CDK14: variants seen among roughly 807,000 people sequenced by gnomAD.
CDK14 encodes the protein cyclin dependent kinase 14, also known as cyclin-dependent kinase 14.
In CDK14, 34 loss-of-function variants were observed where a neutral mutation model predicts 60.7. The ratio of observed to expected loss-of-function variants is 0.56; its 90% CI spans 0.43 to 0.75. CDK14 has a LOEUF of 0.75. Among genes scored for constraint, CDK14 ranks in the 30% least tolerant of loss-of-function variants. CDK14 has a pLI of 0.00. For missense variants in CDK14, 482 were observed against 564.1 expected, an observed-to-expected ratio of 0.85 and a Z score of 1.47; for synonymous variants, 197 against 203.7, an observed-to-expected ratio of 0.97 and a Z score of 0.28.
At chr7:90,759,499 G>A (rs1301145907) in intron 4 of CDK14, among the ~76,000 whole-genome samples, 2 of 152,178 alleles carry the variant, frequency 1.3e-5, no homozygotes, top group Admixed American at 1.3e-4. Context: ...TTATGCAAGG[G>A]CACCCATGAA....
chr7:90,768,122 A>G (rs796736091), intron 4 of CDK14, among the ~76,000 whole-genome samples: 1 of 152,318 alleles, frequency 6.6e-6, no homozygotes, highest in African/African-American at 2.4e-5. Context: ...CTTACCATTG[A>G]CCCTCTGTTA....
At chr7:91,054,088 ATTT>A (rs10675646) in intron 11 of CDK14, among the ~76,000 whole-genome samples, 1 of 112,970 alleles carries the variant, frequency 8.9e-6, no homozygotes, top group Admixed American at 1.0e-4. Flanking sequence ...CTGCAAAATA[ATTT>A]TTTTTTTTTT....
At chr7:91,099,457 AT>A (rs757520085) in intron 12 of CDK14, among the ~76,000 whole-genome samples, 2 of 152,196 alleles carry the variant, frequency 1.3e-5, no homozygotes, top group Non-Finnish European at 2.9e-5. Flanking sequence ...ATTCAGGAAA[AT>A]TGGGTAATCT....
chr7:91,058,918 T>G (rs550118077), intron 11 of CDK14, among the ~76,000 whole-genome samples: 3 of 152,340 alleles, frequency 2.0e-5, no homozygotes, highest in East Asian at 1.9e-4. Context: ...GCTGGCCTCA[T>G]AAAATGAGTT....
At position 90,649,256 on chromosome 7, in the gene CDK14, C is replaced by CTTTGTTTCTTTGTTTCTTTG. The variant is rs1303940369; in HGVS notation, c.123+45010_123+45011insGTTTCTTTGTTTCTTTGTTT. 4.3e-3 allele frequency among the ~76,000 whole-genome samples: 204 copies of CTTTGTTTCTTTGTTTCTTTG among 47,314 alleles called. 7 individuals carry two copies. Among genetic ancestry groups the CTTTGTTTCTTTGTTTCTTTG allele is most frequent in the East Asian group, 0.025 (36 of 1,414 alleles). The allele number at this position is 47,314 out of a possible 152,430, so 31.0% of individuals were successfully genotyped here. On this transcript the variant is annotated intron_variant, in intron 2 of 14. Transcript: ENST00000380050. ...CTATAGTTTCTTTCTTTCTTTCTTT[C>CTTTGTTTCTTTGTTTCTTTG]TTTCTTTCTTTCTTTCTTTCTTTCT...
chr7:90,779,175 C>T (rs34751163), intron 4 of CDK14, among the ~76,000 whole-genome samples: 31,048 of 151,804 alleles, frequency 0.2, 3,276 homozygotes, highest in South Asian at 0.24. Flanking sequence ...ATTGCTTGAA[C>T]CCAGGAGGCA....
chr7:91,139,896 C>T (rs1051384751), intron 14 of CDK14, among the ~76,000 whole-genome samples: 4 of 145,204 alleles, frequency 2.8e-5, no homozygotes, highest in African/African-American at 7.7e-5. Flanking sequence ...CATTTTTTTC[C>T]GTTCATTTCT....
intron 5 of CDK14, among the ~76,000 whole-genome samples, chr7:90,857,438 G>A (rs1790861878): frequency 1.3e-5 from 2 of 152,082 alleles, no homozygotes; most frequent in African/African-American, 4.8e-5. Flanking sequence ...TGACACCACA[G>A]CCCCTAAACT....
At chr7:90,837,396 TCCTGCCTCAGCCTC>T (rs1208190239) in intron 5 of CDK14, among the ~76,000 whole-genome samples, 1 of 151,918 alleles carries the variant, frequency 6.6e-6, no homozygotes, top group African/African-American at 2.4e-5. Context: ...CAAGCAGTTA[TCCTGCCTCAGCCTC>T]CCGAGTAGCT....
intron 3 of CDK14, among the ~76,000 whole-genome samples, chr7:90,727,973 T>TG (rs1181171065): frequency 6.6e-6 from 1 of 152,146 alleles, no homozygotes; most frequent in Non-Finnish European, 1.5e-5. Flanking sequence ...GAAAGGGTGA[T>TG]GGGGGGTTTG....
chr7:91,021,670 C>T (rs2115876597), intron 10 of CDK14, among the ~76,000 whole-genome samples: 1 of 152,226 alleles, frequency 6.6e-6, no homozygotes, highest in East Asian at 1.9e-4. Context: ...TTTATTTTGC[C>T]ATCAGTGGAC....
intron 11 of CDK14, among the ~76,000 whole-genome samples, chr7:91,078,316 A>G (rs559545345): frequency 3.2e-4 from 49 of 152,318 alleles, no homozygotes; most frequent in African/African-American, 1.1e-3. Flanking sequence ...TTTTAAAACA[A>G]TTGTTACAGG....
intron 14 of CDK14, among the ~76,000 whole-genome samples, chr7:91,203,468 G>C (rs569285665): frequency 6.6e-6 from 1 of 152,204 alleles, no homozygotes; most frequent in Non-Finnish European, 1.5e-5. Flanking sequence ...TCCTTCACAG[G>C]AAGTGTCTTC....
intron 10 of CDK14, among the ~76,000 whole-genome samples, chr7:90,997,592 A>G (rs1257409518): frequency 6.6e-6 from 1 of 152,234 alleles, no homozygotes; most frequent in Non-Finnish European, 1.5e-5. Flanking sequence ...GCTCAAGAGA[A>G]CAAATTACTA....
At chr7:90,837,551 A>G (rs1790149388) in intron 5 of CDK14, among the ~76,000 whole-genome samples, 1 of 152,282 alleles carries the variant, frequency 6.6e-6, no homozygotes, top group East Asian at 1.9e-4. Context: ...GATTACACAG[A>G]AAGAGATGGG....
intron 10 of CDK14, among the ~76,000 whole-genome samples, chr7:91,021,686 A>G (rs949828456): frequency 8.5e-5 from 13 of 152,228 alleles, no homozygotes; most frequent in African/African-American, 3.1e-4. Flanking sequence ...TGGACCCTCC[A>G]TAAGTTCTTC....
chr7:90,747,840 C>A, intron 4 of CDK14, 65 bp downstream of exon 4: 2 of 633,106 alleles, frequency 3.2e-6, no homozygotes, highest in Non-Finnish European at 5.0e-6. Context: ...TACTAAATAG[C>A]ATTTTATTTA....
At chr7:91,180,296 T>C (rs562677068) in intron 14 of CDK14, among the ~76,000 whole-genome samples, 1 of 152,350 alleles carries the variant, frequency 6.6e-6, no homozygotes, top group African/African-American at 2.4e-5. Context: ...TTACCCTTCC[T>C]AGTTTTGGAG....
intron 7 of CDK14, among the ~76,000 whole-genome samples, chr7:90,901,121 A>G (rs1019575625): frequency 2.6e-5 from 4 of 152,088 alleles, no homozygotes; most frequent in Admixed American, 1.3e-4. Context: ...CTCTTATTCA[A>G]GCTTTGTGTG....
Sources: allele counts gnomAD v4.1 joint callset (sites outside exome capture counted in the v4.1 genomes callset), GRCh38; gene constraint gnomAD v4.1.1; transcripts MANE v1.5; gene names NCBI Gene and HGNC (gene_info 2026-07-23, HGNC 2026-07-21).